KCTD19: variants seen among roughly 807,000 people sequenced by gnomAD.
KCTD19 encodes BTB/POZ domain-containing protein KCTD19.
A neutral mutation model predicts 103.5 loss-of-function variants in KCTD19; 67 were observed. That is an observed-to-expected ratio of 0.65 (90% confidence interval 0.53 to 0.79). The LOEUF is 0.79. KCTD19 is among the 30% of genes least tolerant of loss of function. The pLI, the probability that KCTD19 is intolerant of heterozygous loss-of-function variation, is 0.00. For synonymous variants in KCTD19, 439 were observed against 452.2 expected, an observed-to-expected ratio of 0.97 and a Z score of 0.37; for missense variants, 980 against 1,136.1, an observed-to-expected ratio of 0.86 and a Z score of 1.98.
chr16:67,324,226 T>C (rs2037105840), intron 1 of KCTD19, among the ~76,000 whole-genome samples: 2 of 152,108 alleles, frequency 1.3e-5, no homozygotes, highest in African/African-American at 2.4e-5. Flanking sequence ...ATCAATACGA[T>C]GGAAAAGTAG....
In KCTD19 at chr16:67,299,505, A is replaced by T. The variant is rs2036809172; in HGVS notation, c.844T>A (p.Ser282Thr). The T allele has an allele frequency of 6.2e-6, 10 of 1,613,388 alleles. No individual in the cohort carries two copies. Among genetic ancestry groups the T allele is most frequent in the Non-Finnish European group, 8.5e-6 (10 of 1,179,806 alleles). Reference protein sequence around the residue: ...GKGARTASLESVKPLYTMALG... With the variant: ...GKGARTASLETVKPLYTMALG... ...GCCATTGTGTAGAGCGGTTTCACGG[A>T]CTCCAGGCTGGCTGTGCGGGCCCCC... Residue 282 changes from serine (S) to threonine (T), a missense_variant, in exon 6 of 16, where the codon TCC becomes ACC. By Grantham distance (58) the Ser-to-Thr change is moderately conservative. Coordinates refer to ENST00000304372, the MANE Select transcript of KCTD19 (RefSeq NM_001100915.3).
intron 2 of KCTD19, among the ~76,000 whole-genome samples, chr16:67,318,652 A>G (rs1225305372): frequency 6.6e-6 from 1 of 151,884 alleles, no homozygotes; most frequent in African/African-American, 2.4e-5. Context: ...GGCTTAATAC[A>G]CTGTAGAATA....
rs972930928 is a variant in KCTD19 at position 67,300,561 on chromosome 16, G to A, written c.776-988C>T. On this transcript the variant is annotated intron_variant, in intron 5 of 15. Coordinates refer to ENST00000304372, the MANE Select transcript of KCTD19 (RefSeq NM_001100915.3). This position sits in a 1 kb window ranked among gnomAD's most constrained non-coding sequence, Gnocchi z 4.5. ...AGGAGTAGAAGGCTTTGAGGGAAGG[G>A]GCTGAACTCACACCATCTTAAGCGG... 6 of 152,284 alleles carry A rather than the reference G, an allele frequency of 3.9e-5. No homozygotes were observed. The highest frequency in any genetic ancestry group is 1.2e-4 in the African/African-American group (5 of 41,436). The allele number at this position is 152,284 out of a possible 1,614,324, so 9.4% of individuals were successfully genotyped here.
chr16:67,318,994 G>T (rs897489932), intron 2 of KCTD19, among the ~76,000 whole-genome samples: 20 of 152,116 alleles, frequency 1.3e-4, no homozygotes, highest in African/African-American at 4.8e-4. Context: ...AGGCTGAGGC[G>T]GGTGGATCAA....
rs552224530 is a variant in KCTD19 at position 67,308,221 on chromosome 16, C to A, written c.301-3650G>T. 3.4e-5 allele frequency among the ~76,000 whole-genome samples: 5 copies of A among 146,944 alleles called. No individual in the cohort carries two copies. The East Asian group carries it at 8.0e-4, about 23-fold the overall frequency. On this transcript the variant is annotated intron_variant, in intron 2 of 15. Transcript: ENST00000304372. ...TGTGTCGCCCAAGCTGGAGTGCAGT[C>A]GTACAATCATCATGGCTCATTGCAG...
In KCTD19 at chr16:67,320,721, G is replaced by A. The variant is rs182478485; in HGVS notation, c.168C>T (p.Ile56=). The A allele has an allele frequency of 3.0e-4, 485 of 1,614,160 alleles. 4 individuals are homozygous for A. The African/African-American group carries it at 5.2e-3, about 17-fold the overall frequency. ...GCCTAAATGTGGAACCATCTCTGTCGATAAATAGCCTCTGGCTTTCTGAAG... is the reference window on the plus strand; with the variant it reads ...GCCTAAATGTGGAACCATCTCTGTCAATAAATAGCCTCTGGCTTTCTGAAG... ...LTSSESQRLF[I]DRDGSTFRHV... Residue 56 remains isoleucine (I), a synonymous_variant, in exon 2 of 16, where the codon ATC becomes ATT. Coordinates refer to ENST00000304372, the MANE Select transcript of KCTD19 (RefSeq NM_001100915.3). This position sits in a 1 kb window ranked among gnomAD's most constrained non-coding sequence, Gnocchi z 4.0.
chr16:67,310,907 G>C (rs150900945), intron 2 of KCTD19, among the ~76,000 whole-genome samples: 1 of 152,312 alleles, frequency 6.6e-6, no homozygotes, highest in Non-Finnish European at 1.5e-5. Flanking sequence ...AGCAAGGCTG[G>C]TAGAACAAAA....
rs530826076 is a variant in KCTD19 at position 67,296,288 on chromosome 16, C to A, written c.1148-29G>T. On this transcript the variant is annotated intron_variant, in intron 7 of 15. Transcript: ENST00000304372. ...TGGGAATCCAGGAGATAGAACACAT[C>A]ATCATATGGCCAGAAGGGAAAGCAG... is the stretch of plus-strand genomic sequence containing the variant. 2.3e-5 allele frequency: 32 copies of A among 1,387,420 alleles called. No individual in the cohort carries two copies. The East Asian group carries it at 7.1e-4, about 31-fold the overall frequency. The allele number at this position is 1,387,420 out of a possible 1,614,324, so 85.9% of individuals were successfully genotyped here. A position where few individuals can be genotyped will look rare whatever the true frequency, so the allele number is the denominator to read the frequency against.
intron 4 of KCTD19, chr16:67,302,821 T>G: frequency 3.0e-6 from 1 of 335,696 alleles, no homozygotes; most frequent in Admixed American, 5.1e-5. Flanking sequence ...AAGGGCAGAG[T>G]AAGAAGAGAA....
At chr16:67,292,775 GTC>G (rs745348125) in intron 12 of KCTD19, among the ~76,000 whole-genome samples, 61 of 152,152 alleles carry the variant, frequency 4.0e-4, no homozygotes, top group Non-Finnish European at 6.5e-4. Flanking sequence ...AGCCCCTGCT[GTC>G]TCCTGGGCTT....
At chr16:67,302,809 A>G (rs953080844) in intron 4 of KCTD19, 53 of 310,814 alleles carry the variant, frequency 1.7e-4, no homozygotes, top group African/African-American at 1.1e-3. Flanking sequence ...AGCTGGATAC[A>G]TAAGGGCAGA....
rs1214951580 is a variant in KCTD19 at position 67,299,589 on chromosome 16, A to C, written c.776-16T>G. 2 of 1,604,432 alleles carry C rather than the reference A, an allele frequency of 1.2e-6. No individual in the cohort carries two copies. Among genetic ancestry groups the C allele is most frequent in the Non-Finnish European group, 1.7e-6 (2 of 1,177,014 alleles). ...GAACAGCCACCTGTGTCAGAGAGAA[A>C]GGGGTGACTCCTAGGCCCCCCATGG... On this transcript the variant is annotated splice_polypyrimidine_tract_variant and intron_variant, in intron 5 of 15. Transcript: ENST00000304372.
chr16:67,297,617 C>T lies in KCTD19; in HGVS notation c.1033G>A (p.Glu345Lys), dbSNP rs771384255. ...CRLPLTETIS[E>K]VYELCAFLDK... Reference sequence around the variant, plus strand: ...AGGAAGGCACAGAGCTCATATACCTCGGAAATGGTCTCTGTCAGGGGCAGC... The same window carrying T: ...AGGAAGGCACAGAGCTCATATACCTTGGAAATGGTCTCTGTCAGGGGCAGC... Residue 345 changes from glutamate to lysine, a missense_variant, in exon 7 of 16, where the codon GAG becomes AAG. By Grantham distance (56) the Glu-to-Lys change is moderately conservative. Transcript: ENST00000304372. 5.6e-6 allele frequency: 9 copies of T among 1,613,948 alleles called. No individual in the cohort carries two copies. Among genetic ancestry groups the T allele is most frequent in the African/African-American group, 5.3e-5 (4 of 74,878 alleles).
At position 67,299,369 on chromosome 16, in the gene KCTD19, T is replaced by A; in HGVS notation, c.980A>T (p.His327Leu). 1.2e-6 allele frequency: 2 copies of A among 1,614,196 alleles called. No individual in the cohort carries two copies. The highest frequency in any genetic ancestry group is 1.7e-6 in the Non-Finnish European group (2 of 1,180,010). Reference sequence around the variant, plus strand: ...GCCCTAAGGAGGACCTCACTTGACGTGCTGAAAGAGGACGCCATTCCCTGT... The same window carrying A: ...GCCCTAAGGAGGACCTCACTTGACGAGCTGAAAGAGGACGCCATTCCCTGT... ...YITGNGVLFQ[H>L]VKNWLGTCRL... Residue 327 changes from histidine to leucine, a missense_variant, in exon 6 of 16, where the codon CAC becomes CTC. By Grantham distance (99) the His-to-Leu change is moderately conservative. Transcript: ENST00000304372.
At position 67,320,970 on chromosome 16, in the gene KCTD19, T is replaced by C. The variant is rs1339069526; in HGVS notation, c.4-85A>G. On this transcript the variant is annotated intron_variant, in intron 1 of 15. Transcript: ENST00000304372. The surrounding 1 kb of genome is among the most constrained non-coding windows in gnomAD (Gnocchi z 4.0). Reference sequence around the variant, plus strand: ...TGAAAAGGTAGAAATAAACTATCTCTGTTTGCTGATGACATGATCTTGTAT... The same window carrying C: ...TGAAAAGGTAGAAATAAACTATCTCCGTTTGCTGATGACATGATCTTGTAT... The C allele has an allele frequency of 6.1e-6, 7 of 1,139,728 alleles. No individual in the cohort carries two copies. Among genetic ancestry groups the C allele is most frequent in the Admixed American group, 5.1e-5 (2 of 39,290 alleles). The allele number at this position is 1,139,728 out of a possible 1,614,324, so 70.6% of individuals were successfully genotyped here.
chr16:67,325,636 G>A (rs2037146563), intron 1 of KCTD19, among the ~76,000 whole-genome samples: 2 of 152,108 alleles, frequency 1.3e-5, no homozygotes. Flanking sequence ...TTAAGTGCCT[G>A]CTGGAGTGAG....
Position 67,320,893 on chromosome 16 carries a change from G to A in KCTD19, c.4-8C>T. ...AGCCATGCCAGACTCCTCCTAAAGG[G>A]GGAATGAAAAAGAGATCTACGCAAG... On this transcript the variant is annotated splice_polypyrimidine_tract_variant and splice_region_variant and intron_variant, in intron 1 of 15. Transcript: ENST00000304372. This position sits in a 1 kb window ranked among gnomAD's most constrained non-coding sequence, Gnocchi z 4.0. 6.3e-7 allele frequency: 1 copy of A among 1,587,422 alleles called. No individual in the cohort carries two copies. Among genetic ancestry groups the A allele is most frequent in the Non-Finnish European group, 8.6e-7 (1 of 1,169,120 alleles).
At chr16:67,316,617 C>T (rs1285084024) in intron 2 of KCTD19, among the ~76,000 whole-genome samples, 1 of 152,026 alleles carries the variant, frequency 6.6e-6, no homozygotes, top group African/African-American at 2.4e-5. Flanking sequence ...TCCAAGAAGT[C>T]CTGGAATACA....
intron 2 of KCTD19, chr16:67,305,454 G>A (rs1248571704): frequency 3.2e-5 from 10 of 316,416 alleles, no homozygotes; most frequent in South Asian, 5.0e-5. Flanking sequence ...TTTGTGGCCC[G>A]CCCAAGCAGT....
Sources: allele counts gnomAD v4.1 joint callset (sites outside exome capture counted in the v4.1 genomes callset), GRCh38; gene constraint gnomAD v4.1.1; non-coding constraint Gnocchi (gnomAD v3.1); transcripts MANE v1.5; gene names NCBI Gene and HGNC (gene_info 2026-07-23, HGNC 2026-07-21).